Variants in CTNNA2 observed in about 807,000 individuals in gnomAD.
The protein encoded by CTNNA2 is catenin alpha-2.
CTNNA2 carries 42 observed loss-of-function variants against 101.0 expected under a neutral mutation model. The ratio of observed to expected loss-of-function variants is 0.42; its 90% CI spans 0.32 to 0.54. CTNNA2 has a LOEUF of 0.54. CTNNA2 is among the 20% of genes least tolerant of loss of function. CTNNA2 has a pLI of 0.14. For synonymous variants in CTNNA2, 450 were observed against 456.4 expected, an observed-to-expected ratio of 0.99 and a Z score of 0.18; for missense variants, 871 against 1,223.1, an observed-to-expected ratio of 0.71 and a Z score of 4.29.
intron 1 of CTNNA2, among the ~76,000 whole-genome samples, chr2:79,644,142 A>C (rs1680639272): frequency 6.6e-6 from 1 of 152,080 alleles, no homozygotes; most frequent in Non-Finnish European, 1.5e-5. Context: ...GGTTCAAACA[A>C]TTCTCCTGCC....
intron 3 of CTNNA2, among the ~76,000 whole-genome samples, chr2:79,837,614 T>C (rs1470685490): frequency 6.6e-6 from 1 of 152,186 alleles, no homozygotes; most frequent in African/African-American, 2.4e-5. Flanking sequence ...ATTTTTTTTT[T>C]CAGGTACATA....
chr2:79,305,376 A>G (rs374521075), intron 2 of CTNNA2, among the ~76,000 whole-genome samples: 1 of 129,580 alleles, frequency 7.7e-6, no homozygotes, highest in Non-Finnish European at 1.7e-5. Flanking sequence ...ATATACACAT[A>G]TATATATATA....
intron 7 of CTNNA2, among the ~76,000 whole-genome samples, chr2:79,998,793 C>G (rs1197591945): frequency 5.3e-5 from 8 of 152,064 alleles, no homozygotes; most frequent in African/African-American, 1.9e-4. Flanking sequence ...GCCTTCTAAA[C>G]TTTTTATTTA....
At chr2:80,338,781 C>G (rs899296735) in intron 7 of CTNNA2, among the ~76,000 whole-genome samples, 2 of 152,100 alleles carry the variant, frequency 1.3e-5, no homozygotes, top group African/African-American at 4.8e-5. Context: ...GGTAGTTTTC[C>G]TAATGATTTG....
intron 14 of CTNNA2, among the ~76,000 whole-genome samples, chr2:80,586,838 T>C (rs1477238751): frequency 6.6e-6 from 1 of 152,206 alleles, no homozygotes; most frequent in African/African-American, 2.4e-5. Context: ...CACATACATG[T>C]ATCCATGGAA....
Position 80,590,778 on chromosome 2 carries a change from A to G in CTNNA2, c.2189+1293A>G, listed in dbSNP as rs3770343. On this transcript the variant is annotated intron_variant, in intron 15 of 18. Transcript: ENST00000402739. Reference sequence around the variant, plus strand: ...CTTTGAGACTTTTAAATGTCATTGTATTCATTAGAAGTTCATATTTGTACA... The same window carrying G: ...CTTTGAGACTTTTAAATGTCATTGTGTTCATTAGAAGTTCATATTTGTACA... Among the ~76,000 whole-genome samples, 249 of 152,244 alleles carry G rather than the reference A, an allele frequency of 1.6e-3. 4 individuals carry two copies. In the East Asian group the frequency reaches 0.046, roughly 28 times the overall value.
chr2:79,644,218 T>G (rs990848413), intron 1 of CTNNA2, among the ~76,000 whole-genome samples: 1 of 151,962 alleles, frequency 6.6e-6, no homozygotes, highest in African/African-American at 2.4e-5. Context: ...TTTTGTATCT[T>G]TAGTAGAGAT....
chr2:80,196,225 A>G (rs1706822976), intron 7 of CTNNA2, among the ~76,000 whole-genome samples: 1 of 152,154 alleles, frequency 6.6e-6, no homozygotes, highest in South Asian at 2.1e-4. Context: ...CTGCCTGGGG[A>G]CAGCTAGGTC....
chr2:79,890,841 T>G (rs999228166), intron 6 of CTNNA2, among the ~76,000 whole-genome samples: 4 of 138,806 alleles, frequency 2.9e-5, no homozygotes, highest in African/African-American at 1.1e-4. Flanking sequence ...AGACTCAGTT[T>G]CTTGTGAGCG....
chr2:80,042,034 G>A (rs1035898767), intron 7 of CTNNA2, among the ~76,000 whole-genome samples: 13 of 152,088 alleles, frequency 8.5e-5, no homozygotes, highest in African/African-American at 1.7e-4. Context: ...GCATGATCTC[G>A]GCTCACTGCA....
intron 15 of CTNNA2, among the ~76,000 whole-genome samples, chr2:80,591,662 G>A (rs1265569242): frequency 6.6e-6 from 1 of 151,916 alleles, no homozygotes; most frequent in Non-Finnish European, 1.5e-5. Flanking sequence ...AATGGATGTA[G>A]CTGATTAGGA....
chr2:80,049,243 C>A (rs191839352), intron 7 of CTNNA2, among the ~76,000 whole-genome samples: 1 of 152,184 alleles, frequency 6.6e-6, no homozygotes, highest in Admixed American at 6.5e-5. Flanking sequence ...ACAGTTAAGA[C>A]CATGTGCATT....
At chr2:79,225,895 T>C (rs1674402254) in intron 2 of CTNNA2, among the ~76,000 whole-genome samples, 1 of 152,226 alleles carries the variant, frequency 6.6e-6, no homozygotes, top group African/African-American at 2.4e-5. Context: ...GATCTCATGA[T>C]GACATTTGTT....
intron 7 of CTNNA2, among the ~76,000 whole-genome samples, chr2:80,226,668 A>AT (rs1417235955): frequency 6.6e-6 from 1 of 152,168 alleles, no homozygotes; most frequent in African/African-American, 2.4e-5. Flanking sequence ...TCGAGCTTGA[A>AT]TTTGGGAAGC....
At position 80,574,269 on chromosome 2, in the gene CTNNA2, G is replaced by C. The variant is rs1360471799; in HGVS notation, c.1848G>C (p.Val616=). ...ENEFIDASRL[V]YDGVRDIRKA... is the part of the protein sequence containing the mutation. Reference sequence around the variant, plus strand: ...AGTTCATCGATGCCTCTCGCCTGGTGTATGATGGCGTTCGGGACATCAGAA... The same window carrying C: ...AGTTCATCGATGCCTCTCGCCTGGTCTATGATGGCGTTCGGGACATCAGAA... Residue 616 remains valine, a synonymous_variant, in exon 13 of 19, where the codon GTG becomes GTC. Coordinates refer to ENST00000402739, the MANE Select transcript of CTNNA2 (RefSeq NM_001282597.3). 6.2e-7 allele frequency: 1 copy of C among 1,613,592 alleles called. No homozygotes were observed. Among genetic ancestry groups the C allele is most frequent in the Admixed American group, 1.7e-5 (1 of 60,006 alleles).
chr2:79,429,149 T>G (rs1218795169), intron 4 of CTNNA2, among the ~76,000 whole-genome samples: 1 of 152,174 alleles, frequency 6.6e-6, no homozygotes, highest in Non-Finnish European at 1.5e-5. Context: ...AAATGAACAT[T>G]TTAAGACATC....
intron 7 of CTNNA2, chr2:80,304,897 G>T (rs1303905516): frequency 2.0e-5 from 3 of 151,810 alleles, no homozygotes; most frequent in Non-Finnish European, 2.1e-5. Context: ...CAGCTTTTTT[G>T]TCCATATTTC....
chr2:79,191,343 G>T (rs1156835822), intron 1 of CTNNA2, among the ~76,000 whole-genome samples: 2 of 152,158 alleles, frequency 1.3e-5, no homozygotes, highest in East Asian at 3.8e-4. Flanking sequence ...CATATCATCT[G>T]TCTTCATCTG....
chr2:80,574,083 C>A, intron 12 of CTNNA2, 80 bp from the exon 13 acceptor site: 1 of 1,476,070 alleles, frequency 6.8e-7, no homozygotes, highest in Non-Finnish European at 9.3e-7. Context: ...GCCCGAGGAC[C>A]TGCCACTTCG....
Sources: gnomAD v4.1 joint callset for allele counts (sites outside exome capture counted in the v4.1 genomes callset) on GRCh38, gnomAD v4.1.1 for gene constraint, MANE v1.5 for transcripts, NCBI Gene and HGNC (gene_info 2026-07-23, HGNC 2026-07-21) for gene names.